The following TENM2 variants were observed in gnomAD, a reference collection of about 807,000 sequenced individuals.
The protein encoded by TENM2 is teneurin transmembrane protein 2.
A neutral mutation model predicts 245.2 loss-of-function variants in TENM2; 52 were observed. The observed-to-expected ratio is 0.21, with a 90% CI of 0.17 to 0.27. The LOEUF (loss-of-function observed/expected upper bound fraction) is 0.27. Ranked by LOEUF, TENM2 falls within the 10% of genes least tolerant of loss-of-function variation. TENM2 has a pLI of 1.00. For missense variants in TENM2, 3,046 were observed against 3,666.8 expected (o/e 0.83, Z 4.37); for synonymous variants, 1,363 against 1,438.9 (o/e 0.95, Z 1.19).
At chr5:168,179,134 GAA>G (rs35502066) in intron 13 of TENM2, among the ~76,000 whole-genome samples, 42,825 of 99,440 alleles carry the variant, frequency 0.43, 8,028 homozygotes, top group African/African-American at 0.58. Context: ...GACTCTGCCT[GAA>G]AAAAAAAAAA....
At position 168,112,100 on chromosome 5, in the gene TENM2, C is replaced by G. The variant is rs1223086342; in HGVS notation, c.1814-6192C>G. ...TATAATCAAATCTGATCCTCTGTTC[C>G]TTCATGGTTTCTAGAATTTATGTCT... On this transcript the variant is annotated intron_variant, in intron 9 of 28. Transcript: ENST00000518659. 2.0e-5 allele frequency among the ~76,000 whole-genome samples: 3 copies of G among 152,076 alleles called. No individual in the cohort carries two copies. In the East Asian group the frequency reaches 5.8e-4, roughly 29 times the overall value.
chr5:168,168,681 CAAA>C (rs36016365), intron 13 of TENM2, among the ~76,000 whole-genome samples: 20,412 of 127,986 alleles, frequency 0.16, 3,240 homozygotes, highest in African/African-American at 0.43. Flanking sequence ...GACCCTGTCT[CAAA>C]AAAAAAAAAA....
chr5:167,048,827 A>G, the TENM2 span, among the ~76,000 whole-genome samples: 48 of 152,322 alleles, frequency 3.2e-4, no homozygotes, highest in African/African-American at 1.1e-3. Flanking sequence ...GCATTGGACC[A>G]GAAGATGTCT....
intron 2 of TENM2, among the ~76,000 whole-genome samples, chr5:167,807,748 A>G (rs1386850615): frequency 6.6e-6 from 1 of 152,124 alleles, no homozygotes; most frequent in African/African-American, 2.4e-5. Context: ...TTTCCCACCA[A>G]GAATGAATTT....
the TENM2 span, among the ~76,000 whole-genome samples, chr5:167,051,354 C>G: frequency 6.6e-6 from 1 of 151,992 alleles, no homozygotes; most frequent in East Asian, 1.9e-4. Context: ...AAGAGAACAG[C>G]CAACACAAAC....
In TENM2 at chr5:168,003,306, A is replaced by ACACAC. The variant is rs1562038456; in HGVS notation, c.1186+10124_1186+10125insCACAC. On this transcript the variant is annotated intron_variant, in intron 5 of 28. Coordinates refer to ENST00000518659, the Ensembl canonical transcript of TENM2. ...TAAAATTACAAAGTTTTTAAGAAAAAACACACACACACACACACACACACA... is the reference window on the plus strand; with the variant it reads ...TAAAATTACAAAGTTTTTAAGAAAAACACACACACACACACACACACACACACACA... Among the ~76,000 whole-genome samples the ACACAC allele has an allele frequency of 4.3e-4, 39 of 90,586 alleles. No individual in the cohort carries two copies. The East Asian group carries it at 0.012, about 27-fold the overall frequency. The allele number at this position is 90,586 out of a possible 152,430, so 59.4% of individuals were successfully genotyped here.
chr5:167,471,898 T>C (rs2127512499), intron 2 of TENM2, among the ~76,000 whole-genome samples: 1 of 152,284 alleles, frequency 6.6e-6, no homozygotes, highest in African/African-American at 2.4e-5. Context: ...GTCCTGGCAG[T>C]GTGGTATAAG....
the TENM2 span, among the ~76,000 whole-genome samples, chr5:167,086,540 T>C: frequency 6.6e-6 from 1 of 152,148 alleles, no homozygotes; most frequent in Admixed American, 6.5e-5. Context: ...AGGAAATGCA[T>C]AGGAGCCAGC....
intron 2 of TENM2, among the ~76,000 whole-genome samples, chr5:167,637,711 G>A (rs1198572754): frequency 6.6e-6 from 1 of 152,102 alleles, no homozygotes; most frequent in African/African-American, 2.4e-5. Context: ...ATTAACACAG[G>A]AACAGAAAAC....
chr5:168,225,827 T>TAAC lies in TENM2; in HGVS notation c.5109-260_5109-258dup, dbSNP rs1554226823. ...GAAGCTCACAAGTGGCTGTTTTCTCTAACTAACTAGAGGAAGCCTGAGACC... is the reference window on the plus strand; with the variant it reads ...GAAGCTCACAAGTGGCTGTTTTCTCTAACAACTAACTAGAGGAAGCCTGAGACC... On this transcript the variant is annotated intron_variant, in intron 23 of 28. Transcript: ENST00000518659. Among the ~76,000 whole-genome samples the TAAC allele has an allele frequency of 2.0e-4, 30 of 151,524 alleles. 1 individual carries two copies. Among genetic ancestry groups the TAAC allele is most frequent in the African/African-American group, 7.0e-4 (29 of 41,282 alleles).
At chr5:167,445,330 T>TAGGG (rs1275688569) in intron 2 of TENM2, among the ~76,000 whole-genome samples, 5 of 49,298 alleles carry the variant, frequency 1.0e-4, no homozygotes, top group South Asian at 7.8e-4. Context: ...TATATATATA[T>TAGGG]ATATATAGAG....
chr5:167,213,127 G>A, the TENM2 span, among the ~76,000 whole-genome samples: 26 of 152,240 alleles, frequency 1.7e-4, no homozygotes, highest in South Asian at 4.1e-4. Context: ...GTTTCGTATC[G>A]TGGAATCACA....
intron 2 of TENM2, among the ~76,000 whole-genome samples, chr5:167,618,222 T>C (rs1263588448): frequency 2.0e-5 from 3 of 152,100 alleles, no homozygotes; most frequent in African/African-American, 7.2e-5. Flanking sequence ...ATTGCTAGCT[T>C]AGAGTTGAGC....
At chr5:167,388,085 T>C (rs1761548921) in intron 2 of TENM2, among the ~76,000 whole-genome samples, 2 of 152,124 alleles carry the variant, frequency 1.3e-5, no homozygotes, top group African/African-American at 2.4e-5. Context: ...ATAGTGTCAA[T>C]AGGATTGGTG....
chr5:168,058,330 G>C (rs1028197559), intron 6 of TENM2, among the ~76,000 whole-genome samples: 3 of 152,184 alleles, frequency 2.0e-5, no homozygotes, highest in African/African-American at 7.2e-5. Flanking sequence ...ACATTTGCCA[G>C]GTGCAAAGCT....
At chr5:167,433,582 G>GT (rs915244581) in intron 2 of TENM2, among the ~76,000 whole-genome samples, 3 of 151,790 alleles carry the variant, frequency 2.0e-5, no homozygotes, top group Non-Finnish European at 4.4e-5. Flanking sequence ...TTCTAAATTG[G>GT]TTTTTTTCTT....
At chr5:168,179,269 C>G (rs1759645789) in intron 13 of TENM2, among the ~76,000 whole-genome samples, 1 of 152,072 alleles carries the variant, frequency 6.6e-6, no homozygotes, top group African/African-American at 2.4e-5. Context: ...GTTTCTTTAT[C>G]TGCAAAATGA....
At chr5:167,358,084 C>A (rs6555742) in intron 1 of TENM2, among the ~76,000 whole-genome samples, 146,379 of 152,314 alleles carry the variant, frequency 0.96, 70,389 homozygotes, top group African/African-American at 0.99. Context: ...GATTCCTTCT[C>A]GCACAAAAAC....
At chr5:167,592,152 T>A (rs959302375) in intron 2 of TENM2, among the ~76,000 whole-genome samples, 3 of 152,164 alleles carry the variant, frequency 2.0e-5, no homozygotes, top group African/African-American at 7.2e-5. Context: ...TAAAACGATA[T>A]CAAAGTTCAG....
Sources: allele counts gnomAD v4.1 joint callset (sites outside exome capture counted in the v4.1 genomes callset), GRCh38; gene constraint gnomAD v4.1.1; transcripts MANE v1.5; gene names NCBI Gene and HGNC (gene_info 2026-07-23, HGNC 2026-07-21).